WFDC1: variants seen among roughly 807,000 people sequenced by gnomAD.
The protein encoded by WFDC1 is WAP four-disulfide core domain protein 1.
A neutral mutation model predicts 32.9 loss-of-function variants in WFDC1; 39 were observed. The observed-to-expected ratio is 1.19, with a 90% CI of 0.92 to 1.55. WFDC1 has a LOEUF of 1.55. Ranked by LOEUF, WFDC1 falls within the 40% of genes most tolerant of loss-of-function variation. WFDC1 has a pLI of 0.00. For synonymous variants in WFDC1, 184 were observed against 137.4 expected (o/e 1.34, Z -2.37); for missense variants, 386 against 309.5 (o/e 1.25, Z -1.85).
At chr16:84,295,482 C>G (rs562721377) in intron 1 of WFDC1, 6 of 387,988 alleles carry the variant, frequency 1.5e-5, no homozygotes, top group South Asian at 1.8e-4. Context: ...GTGAAATACA[C>G]TTATGCATTC....
intron 1 of WFDC1, among the ~76,000 whole-genome samples, chr16:84,301,679 A>G (rs1906944680): frequency 6.6e-6 from 1 of 152,128 alleles, no homozygotes; most frequent in East Asian, 1.9e-4. Flanking sequence ...TACTGATGTG[A>G]AGCAAACTTA....
intron 6 of WFDC1, chr16:84,328,669 G>C (rs1908744318): frequency 6.6e-6 from 1 of 152,260 alleles, no homozygotes; most frequent in Admixed American, 6.5e-5. Flanking sequence ...TTTTGGGTGG[G>C]CGCAGCAGCT....
intron 1 of WFDC1, among the ~76,000 whole-genome samples, chr16:84,307,373 G>T (rs1023054113): frequency 5.3e-5 from 8 of 152,142 alleles, no homozygotes; most frequent in African/African-American, 1.9e-4. Context: ...CCTTTAATCT[G>T]GGCCTCTCAG....
intron 1 of WFDC1, among the ~76,000 whole-genome samples, chr16:84,305,118 C>T (rs1006056777): frequency 3.3e-5 from 5 of 152,202 alleles, no homozygotes; most frequent in African/African-American, 1.2e-4. Context: ...TTTAGAATAG[C>T]AGCAGCCCCA....
intron 5 of WFDC1, among the ~76,000 whole-genome samples, chr16:84,324,706 C>G (rs1472999124): frequency 6.6e-6 from 1 of 152,158 alleles, no homozygotes; most frequent in Non-Finnish European, 1.5e-5. Flanking sequence ...ATATTTAAGC[C>G]TCTGCTACTT....
At chr16:84,309,222 C>T (rs554515596) in intron 1 of WFDC1, among the ~76,000 whole-genome samples, 28 of 151,960 alleles carry the variant, frequency 1.8e-4, no homozygotes, top group Non-Finnish European at 3.8e-4. Context: ...CAAGGAGGGT[C>T]GGGGCGATGA....
chr16:84,314,851 C>T (rs1351559311), intron 2 of WFDC1, among the ~76,000 whole-genome samples: 1 of 152,248 alleles, frequency 6.6e-6, no homozygotes, highest in Non-Finnish European at 1.5e-5. Context: ...GGATTCTAGC[C>T]TTGCCTCCTG....
intron 1 of WFDC1, among the ~76,000 whole-genome samples, chr16:84,306,273 C>T (rs2326205): frequency 0.51 from 77,252 of 151,940 alleles, 20,815 homozygotes; most frequent in Middle Eastern, 0.65. Flanking sequence ...AGCCCTTAAT[C>T]CCTGTGCAAA....
chr16:84,304,163 G>T (rs1006959645), intron 1 of WFDC1, among the ~76,000 whole-genome samples: 1 of 152,136 alleles, frequency 6.6e-6, no homozygotes, highest in African/African-American at 2.4e-5. Flanking sequence ...AGCCCAAAAT[G>T]GGCATTTCCC....
chr16:84,326,914 A>C lies in WFDC1; in HGVS notation c.637A>C (p.Arg213=). The change falls in exon 6 of 7, where the codon AGG becomes CGG. Residue 213 remains arginine, a synonymous_variant. Transcript: ENST00000219454. ...CTCAAAGAATGTGGCAGAACCTGGA[A>C]GGGGACAACAGAAGCACTTTCAGTA... The part of the protein sequence containing the change: ...GDSKNVAEPG[R]GQQKHFQ 1 of 1,614,118 alleles carries C rather than the reference A, an allele frequency of 6.2e-7. No homozygotes were observed. Among genetic ancestry groups the C allele is most frequent in the Non-Finnish European group, 8.5e-7 (1 of 1,180,034 alleles).
intron 4 of WFDC1, among the ~76,000 whole-genome samples, chr16:84,322,341 C>G (rs1293949901): frequency 1.3e-5 from 2 of 152,122 alleles, no homozygotes; most frequent in Non-Finnish European, 2.9e-5. Context: ...ATTTTGAATT[C>G]CAGCAACTTC....
At chr16:84,321,383 C>T (rs183502509) in intron 4 of WFDC1, among the ~76,000 whole-genome samples, 14 of 152,224 alleles carry the variant, frequency 9.2e-5, no homozygotes, top group Admixed American at 3.9e-4. Context: ...GAGGTAAAAC[C>T]GCAAGGGCCT....
At chr16:84,327,635 C>T (rs898360358) in intron 6 of WFDC1, 4 of 152,386 alleles carry the variant, frequency 2.6e-5, no homozygotes, top group African/African-American at 7.2e-5. Context: ...AAGGCAGGAA[C>T]GTAGGAGAAC....
chr16:84,296,427 C>T lies in WFDC1; in HGVS notation c.144+1312C>T, dbSNP rs547440716. Among the ~76,000 whole-genome samples, 6 of 152,206 alleles carry T rather than the reference C, an allele frequency of 3.9e-5. No individual in the cohort carries two copies. In the East Asian group the frequency reaches 5.8e-4, roughly 15 times the overall value. Reference sequence around the variant, plus strand: ...ATTATGAGCGGCTGCAGTGGTAGCACGGGATGCGTGTGCAGCTCTTCCCCA... The same window carrying T: ...ATTATGAGCGGCTGCAGTGGTAGCATGGGATGCGTGTGCAGCTCTTCCCCA... On this transcript the variant is annotated intron_variant, in intron 1 of 6. Coordinates refer to ENST00000219454, the MANE Select transcript of WFDC1 (RefSeq NM_021197.4).
chr16:84,318,046 C>G (rs1489131805), intron 2 of WFDC1: 5 of 506,310 alleles, frequency 9.9e-6, no homozygotes, highest in Non-Finnish European at 1.8e-5. Context: ...TTTGTAGCTG[C>G]AAGGGAGGCA....
intron 1 of WFDC1, among the ~76,000 whole-genome samples, chr16:84,295,980 TCTC>T (rs1468563849): frequency 5.3e-5 from 8 of 151,800 alleles, no homozygotes; most frequent in Non-Finnish European, 1.2e-4. Context: ...ATGAGAGAGA[TCTC>T]ATTTATTAGT....
intron 2 of WFDC1, among the ~76,000 whole-genome samples, chr16:84,314,546 G>A (rs575414070): frequency 1.3e-5 from 2 of 152,248 alleles, no homozygotes; most frequent in South Asian, 4.2e-4. Flanking sequence ...AGATGGCAAG[G>A]ATGACCTCAC....
Position 84,297,641 on chromosome 16 carries a change from A to AAC in WFDC1, c.144+2527_144+2528insCA, listed in dbSNP as rs1215161126. On this transcript the variant is annotated intron_variant, in intron 1 of 6. Transcript: ENST00000219454. ...TCAAAAAAAAAAAAAAAAAAAAAAA[A>AAC]AAAAAACTGTGCCTCAGAGAAAGCC... Among the ~76,000 whole-genome samples the AAC allele has an allele frequency of 1.3e-3, 168 of 129,338 alleles. 7 individuals are homozygous for AAC. Among genetic ancestry groups the AAC allele is most frequent in the Non-Finnish European group, 1.8e-3 (109 of 61,252 alleles). 84.9% of individuals were successfully genotyped at this position (129,338 alleles called of 152,430 possible).
chr16:84,322,630 G>C (rs951171915), intron 4 of WFDC1, among the ~76,000 whole-genome samples: 3 of 152,206 alleles, frequency 2.0e-5, no homozygotes, highest in Non-Finnish European at 4.4e-5. Flanking sequence ...CGACACCTAA[G>C]ATGCCATCCT....
Sources: gnomAD v4.1 joint callset for allele counts (sites outside exome capture counted in the v4.1 genomes callset) on GRCh38, gnomAD v4.1.1 for gene constraint, MANE v1.5 for transcripts, NCBI Gene and HGNC (gene_info 2026-07-23, HGNC 2026-07-21) for gene names.